ZNF682: variants seen among roughly 807,000 people sequenced by gnomAD.
ZNF682 encodes the protein zinc finger protein 682.
In ZNF682, 29 loss-of-function variants were observed where a neutral mutation model predicts 36.5. That is an observed-to-expected ratio of 0.80 (90% confidence interval 0.59 to 1.08). The LOEUF is 1.08. ZNF682 is among the 50% of genes least tolerant of loss of function. ZNF682 has a pLI of 0.00. For missense variants in ZNF682, 561 were observed against 579.7 expected, an observed-to-expected ratio of 0.97 and a Z score of 0.33; for synonymous variants, 180 against 197.0, an observed-to-expected ratio of 0.91 and a Z score of 0.72.
At chr19:20,038,400 G>C (rs1599621617) in intron 1 of ZNF682, among the ~76,000 whole-genome samples, 2 of 152,152 alleles carry the variant, frequency 1.3e-5, no homozygotes, top group South Asian at 4.1e-4. Flanking sequence ...TTGTGAATTA[G>C]AGAGGGGAAG....
In ZNF682 at chr19:20,007,162, T is replaced by G; in HGVS notation, c.340A>C (p.Arg114=). The change falls in exon 4 of 4, where the codon AGG becomes CGG. Residue 114 remains arginine (R), a synonymous_variant. Transcript: ENST00000397165. The part of the protein sequence containing the change: ...GSCGLEDLHL[R]KDGENVGECK... ...TCACCCACATTTTCCCCATCCTTCC[T>G]TAAGTGTAAATCCTCAAGTCCACAG... 1.9e-6 allele frequency: 3 copies of G among 1,613,726 alleles called. No individual in the cohort carries two copies. The highest frequency in any genetic ancestry group is 2.5e-6 in the Non-Finnish European group (3 of 1,180,004).
In ZNF682 at chr19:20,006,941, G is replaced by C. The variant is rs770513714; in HGVS notation, c.561C>G (p.Gly187=). The C allele has an allele frequency of 6.2e-7, 1 of 1,613,368 alleles. No individual in the cohort carries two copies. The highest frequency in any genetic ancestry group is 1.1e-5 in the South Asian group (1 of 90,992). The change falls in exon 4 of 4, where the codon GGC becomes GGG. Residue 187 remains glycine, a synonymous_variant. Transcript: ENST00000397165. ...QCGKVFKSHS[G]LSYHKIIHTE... ...TGTGAATTATCTTATGATAAGAAAG[G>C]CCTGAGTGAGATTTAAAGACTTTGC...
chr19:20,000,190 A>G (rs2122282816), downstream of ZNF682, among the ~76,000 whole-genome samples: 1 of 152,302 alleles, frequency 6.6e-6, no homozygotes, highest in South Asian at 2.1e-4. Flanking sequence ...GGAACCTTGA[A>G]GAGTCTAACA....
intron 3 of ZNF682, among the ~76,000 whole-genome samples, chr19:20,021,241 AT>A (rs1433690745): frequency 6.6e-6 from 1 of 152,204 alleles, no homozygotes; most frequent in Non-Finnish European, 1.5e-5. Flanking sequence ...ATATGCTTAA[AT>A]TTTAGTAAGA....
intron 1 of ZNF682, chr19:20,034,012 TTGG>T (rs1292691905): frequency 1.3e-5 from 2 of 156,186 alleles, no homozygotes; most frequent in Non-Finnish European, 2.9e-5. Context: ...ACCCAAGGCA[TTGG>T]AGAGAAAAAC....
intron 3 of ZNF682, among the ~76,000 whole-genome samples, chr19:20,014,614 C>A (rs1465689354): frequency 1.8e-4 from 25 of 140,220 alleles, no homozygotes; most frequent in African/African-American, 3.7e-4. Context: ...TACTAGAATA[C>A]AAAAAAAAAA....
Position 20,023,063 on chromosome 19 carries a change from A to G in ZNF682, c.167T>C (p.Leu56Pro), listed in dbSNP as rs1346597419. ...TVSKPELISR[L>P]EQRQEPWNVK... Reference sequence around the variant, plus strand: ...ATTCCAGGGCTCCTGTCTTTGCTCCAGACGGCTAATCAGTTCTGGCTTAGA... The same window carrying G: ...ATTCCAGGGCTCCTGTCTTTGCTCCGGACGGCTAATCAGTTCTGGCTTAGA... Residue 56 changes from leucine to proline, a missense_variant, in exon 3 of 4, where the codon CTG becomes CCG. By Grantham distance (98) the Leu-to-Pro change is moderately conservative (BLOSUM62 -3). Transcript: ENST00000397165. 1.9e-6 allele frequency: 3 copies of G among 1,614,110 alleles called. No individual in the cohort carries two copies.
chr19:20,034,577 G>T (rs921931438), intron 1 of ZNF682, among the ~76,000 whole-genome samples: 1 of 147,392 alleles, frequency 6.8e-6, no homozygotes, highest in Non-Finnish European at 1.5e-5. Flanking sequence ...TTGGGAGTTC[G>T]AGACCAGCCT....
Position 20,007,253 on chromosome 19 carries a change from T to C in ZNF682, c.249A>G (p.Glu83=). 1 of 1,610,352 alleles carries C rather than the reference T, an allele frequency of 6.2e-7. No homozygotes were observed. Among genetic ancestry groups the C allele is most frequent in the Non-Finnish European group, 8.5e-7 (1 of 1,178,830 alleles). ...KPPAMSSHYT[E]DLLPEQCMQD... is the part of the protein sequence containing the mutation. ...GCATGCACTGTTCTGGCAAAAGGTC[T>C]TCAGTGTAATGAGAAGACATAGCTG... The change falls in exon 4 of 4, where the codon GAA becomes GAG. Residue 83 remains glutamate, a synonymous_variant. Coordinates refer to ENST00000397165, the MANE Select transcript of ZNF682 (RefSeq NM_033196.3).
At chr19:19,998,899 A>G (rs1003315188) in intron 3 of ZNF682, among the ~76,000 whole-genome samples, 3 of 152,176 alleles carry the variant, frequency 2.0e-5, no homozygotes, top group African/African-American at 7.2e-5. Flanking sequence ...GACAGCTTTT[A>G]GAAAAATATA....
intron 1 of ZNF682, among the ~76,000 whole-genome samples, chr19:20,036,970 G>C (rs932591866): frequency 4.6e-5 from 7 of 152,062 alleles, no homozygotes; most frequent in African/African-American, 1.7e-4. Context: ...AAGTGAAAGA[G>C]TGAGACTCTG....
intron 1 of ZNF682, among the ~76,000 whole-genome samples, chr19:20,028,757 G>A (rs1027634684): frequency 3.3e-5 from 5 of 152,198 alleles, no homozygotes; most frequent in Non-Finnish European, 5.9e-5. Flanking sequence ...TCATGTCTGA[G>A]TAAGTCTGCA....
Position 20,006,691 on chromosome 19 carries a change from G to T in ZNF682, c.811C>A (p.Pro271Thr). Residue 271 changes from proline (P) to threonine (T), a missense_variant, in exon 4 of 4, where the codon CCC (proline) becomes ACC (threonine). Pro to Thr is a conservative substitution (Grantham distance 38). Coordinates refer to ENST00000397165, the MANE Select transcript of ZNF682 (RefSeq NM_033196.3). Reference sequence around the variant, plus strand: ...TGAATTTTCTTATGTCTAACAAAGGGTGAACACCAGTGAAAGGCTTTTCCA... The same window carrying T: ...TGAATTTTCTTATGTCTAACAAAGGTTGAACACCAGTGAAAGGCTTTTCCA... ...ECGKAFHWCS[P>T]FVRHKKIHTG... The T allele has an allele frequency of 6.2e-7, 1 of 1,613,342 alleles. No homozygotes were observed. Among genetic ancestry groups the T allele is most frequent in the Middle Eastern group, 1.7e-4 (1 of 6,052 alleles).
intron 1 of ZNF682, among the ~76,000 whole-genome samples, chr19:20,036,832 A>C (rs866402145): frequency 5.2e-5 from 7 of 135,522 alleles, no homozygotes; most frequent in African/African-American, 1.9e-4. Context: ...AAAAAAAAAA[A>C]AAATTAGCTA....
At chr19:20,010,404 A>G (rs1213647823) in intron 3 of ZNF682, among the ~76,000 whole-genome samples, 1 of 152,214 alleles carries the variant, frequency 6.6e-6, no homozygotes, top group East Asian at 1.9e-4. Context: ...TCATGCTTGT[A>G]ATCCCAGCGC....
rs890283149 is a variant in ZNF682, at chr19:20,007,214, T to C, written c.288A>G (p.Gln96=). 1.2e-6 allele frequency: 2 copies of C among 1,613,710 alleles called. No homozygotes were observed. The highest frequency in any genetic ancestry group is 2.7e-5 in the African/African-American group (2 of 75,046). The change falls in exon 4 of 4, where the codon CAA becomes CAG. Residue 96 remains glutamine, a synonymous_variant. Transcript: ENST00000397165. ...LPEQCMQDSF[Q]KVILRRYGSC... ...TTCCATATCTTCTCAGTATCACTTT[T>C]TGGAATGAATCTTGCATGCACTGTT...
intron 3 of ZNF682, chr19:19,997,392 T>G: frequency 2.5e-6 from 1 of 396,628 alleles, no homozygotes; most frequent in Non-Finnish European, 4.4e-6. Flanking sequence ...TACCCATAAG[T>G]GTCTGCTGGC....
chr19:20,035,269 C>T lies in ZNF682; in HGVS notation c.3+4074G>A, dbSNP rs527400311. Among the ~76,000 whole-genome samples the T allele has an allele frequency of 9.2e-5, 14 of 152,022 alleles. No individual in the cohort carries two copies. In the South Asian group the frequency reaches 1.5e-3, roughly 16 times the overall value. ...AGACGGAGTTTTGCTCTTGTTGCCA[C>T]GGCTGGAGTGCAGTGGCATGATCTT... On this transcript the variant is annotated intron_variant, in intron 1 of 3. Coordinates refer to ENST00000397165, the MANE Select transcript of ZNF682 (RefSeq NM_033196.3).
Position 20,006,645 on chromosome 19 carries a change from G to A in ZNF682, c.857C>T (p.Thr286Ile), listed in dbSNP as rs974178963. 85 of 1,613,738 alleles carry A rather than the reference G, an allele frequency of 5.3e-5. No homozygotes were observed. The highest frequency in any genetic ancestry group is 6.9e-5 in the Non-Finnish European group (81 of 1,179,970). Residue 286 changes from threonine to isoleucine, a missense_variant, in exon 4 of 4, where the codon ACA becomes ATA. Physicochemically the swap from Thr to Ile is moderately conservative, Grantham distance 89. Coordinates refer to ENST00000397165, the MANE Select transcript of ZNF682 (RefSeq NM_033196.3). ...AAACGCTCTGCCACAGTCTTCACAT[G>A]TATAGGGTTTTTCTCCTGTATGAAT... ...KKIHTGEKPYTCEDCGRAFNR... is the reference protein window; with the variant it reads ...KKIHTGEKPYICEDCGRAFNR...
Sources: allele counts gnomAD v4.1 joint callset (sites outside exome capture counted in the v4.1 genomes callset), GRCh38; gene constraint gnomAD v4.1.1; transcripts MANE v1.5; gene names NCBI Gene and HGNC (gene_info 2026-07-23, HGNC 2026-07-21).